The following MX2 variants were observed in gnomAD, a reference collection of about 807,000 sequenced individuals.
MX2 encodes MX dynamin like GTPase 2.
In MX2, 51 loss-of-function variants were observed where a neutral mutation model predicts 74.0. The observed-to-expected ratio is 0.69, with a 90% CI of 0.55 to 0.87. The LOEUF is 0.87. MX2 is among the 40% of genes least tolerant of loss of function. The pLI is 0.00. For missense variants in MX2, 832 were observed against 908.7 expected, an observed-to-expected ratio of 0.92 and a Z score of 1.09; for synonymous variants, 369 against 339.3, an observed-to-expected ratio of 1.09 and a Z score of -0.96.
chr21:41,395,002 G>A (rs547885782), intron 6 of MX2, among the ~76,000 whole-genome samples: 2 of 150,250 alleles, frequency 1.3e-5, no homozygotes, highest in African/African-American at 4.9e-5. Flanking sequence ...AAGGAAGGAA[G>A]GAAAGAAGGA....
At chr21:41,377,180 G>A (rs746570540) in intron 2 of MX2, 25 bp downstream of exon 2, 2 of 1,612,082 alleles carry the variant, frequency 1.2e-6, no homozygotes, top group South Asian at 2.2e-5. Context: ...GGGACGTTCA[G>A]AAAGGGTGCA....
Position 41,399,201 on chromosome 21 carries a change from C to CATATAACATCATATA in MX2, c.1279_1280insTATAACATCATATAA (p.Ile426_Lys427insIleTer), listed in dbSNP as rs2089777534. 6.2e-7 allele frequency: 1 copy of CATATAACATCATATA among 1,613,324 alleles called. No homozygotes were observed. The highest frequency in any genetic ancestry group is 1.7e-5 in the Admixed American group (1 of 59,772). ...TGACTTTATATCATTTTCAGAAAAT[C>CATATAACATCATATA]AAGATGTTTAATCAGGACATCGAAA... On this transcript the variant is annotated stop_gained and inframe_insertion, in exon 10 of 14. Transcript: ENST00000330714. LOFTEE classifies it high-confidence loss of function.
intron 8 of MX2, among the ~76,000 whole-genome samples, chr21:41,398,659 G>A (rs2089767103): frequency 6.6e-6 from 1 of 152,142 alleles, no homozygotes; most frequent in African/African-American, 2.4e-5. Flanking sequence ...GTTTGAAGGA[G>A]CCAGTGGTTC....
Position 41,408,161 on chromosome 21 carries a change from T to C in MX2, c.2076T>C (p.Leu692=). The C allele has an allele frequency of 6.2e-7, 1 of 1,614,174 alleles. No individual in the cohort carries two copies. Among genetic ancestry groups the C allele is most frequent in the South Asian group, 1.1e-5 (1 of 91,078 alleles). Residue 692 remains leucine (L), a synonymous_variant, in exon 14 of 14, where the codon CTT becomes CTC. Coordinates refer to ENST00000330714, the MANE Select transcript of MX2 (RefSeq NM_002463.2). The part of the protein sequence containing the change: ...QSETATKRRI[L]KERIYRLTQA... Reference sequence around the variant, plus strand: ...AGACCGCTACCAAGAGAAGAATCCTTAAGGAGAGAATTTACCGGCTCACTC... The same window carrying C: ...AGACCGCTACCAAGAGAAGAATCCTCAAGGAGAGAATTTACCGGCTCACTC...
chr21:41,390,397 G>A, intron 5 of MX2, 168 bp from the exon 6 acceptor site: 1 of 904,048 alleles, frequency 1.1e-6, no homozygotes. Context: ...GACCAGGGCA[G>A]GGCCGCCGGG....
At chr21:41,395,808 T>C in intron 7 of MX2, 23 bp downstream of exon 7, 1 of 1,612,110 alleles carries the variant, frequency 6.2e-7, no homozygotes, top group African/African-American at 1.3e-5. Flanking sequence ...AGGAAAGCTC[T>C]GGAATTAGAC....
Position 41,402,877 on chromosome 21 carries a change from T to A in MX2, c.1574-390T>A, listed in dbSNP as rs990913491. On this transcript the variant is annotated intron_variant, in intron 11 of 13. Transcript: ENST00000330714. The surrounding 1 kb of genome is among the most constrained non-coding windows in gnomAD (Gnocchi z 4.5). ...GCTCACAACAGGGTTTGTGCTCCTG[T>A]GAGAATCTAGTGCCACCGCAGATCT... 4.7e-5 allele frequency: 10 copies of A among 213,608 alleles called. No homozygotes were observed. The highest frequency in any genetic ancestry group is 2.3e-4 in the African/African-American group (10 of 44,044). 13.2% of individuals were successfully genotyped at this position (213,608 alleles called of 1,614,324 possible).
chr21:41,403,563 A>C (rs2089844368), intron 12 of MX2: 3 of 742,098 alleles, frequency 4.0e-6, no homozygotes, highest in African/African-American at 1.7e-5. Context: ...AGGAGAAATG[A>C]AATGCGGCCC....
chr21:41,362,750 C>CT (rs56903696), intron 1 of MX2, among the ~76,000 whole-genome samples: 8,126 of 82,208 alleles, frequency 0.099, 1,089 homozygotes, highest in African/African-American at 0.15. Flanking sequence ...GTTTTTTTTT[C>CT]TTTTTTTTTT....
At chr21:41,405,434 G>A (rs2089871970) in intron 12 of MX2, among the ~76,000 whole-genome samples, 1 of 152,108 alleles carries the variant, frequency 6.6e-6, no homozygotes, top group Non-Finnish European at 1.5e-5. Flanking sequence ...TCAGGTGGCA[G>A]TGAGGGCTCT....
rs374830650 is a variant in MX2, at chr21:41,390,529, C to T, written c.733-36C>T. On this transcript the variant is annotated intron_variant, in intron 5 of 13. Coordinates refer to ENST00000330714, the MANE Select transcript of MX2 (RefSeq NM_002463.2). ...TGCTGCTGAGTGACCAGAAGTGAGA[C>T]GTGTGCTCTTTCTTTGTGCGATTCT... is the stretch of plus-strand genomic sequence containing the variant. The T allele has an allele frequency of 1.0e-4, 161 of 1,612,988 alleles. No homozygotes were observed. The African/African-American group carries it at 1.6e-3, about 16-fold the overall frequency.
chr21:41,364,205 C>G (rs1038754454), intron 1 of MX2: 1 of 152,460 alleles, frequency 6.6e-6, no homozygotes, highest in Non-Finnish European at 1.5e-5. Context: ...CTTCCTGGGC[C>G]TTCACCCCGC....
chr21:41,370,598 T>G (rs1273071952), intron 1 of MX2: 1 of 152,280 alleles, frequency 6.6e-6, no homozygotes, highest in East Asian at 1.9e-4. Flanking sequence ...TATAACAGTA[T>G]TTCATGAGCG....
chr21:41,364,540 T>A (rs76975514), intron 1 of MX2: 2,272 of 152,756 alleles, frequency 0.015, 53 homozygotes, highest in African/African-American at 0.051. Flanking sequence ...CTGATTTTCT[T>A]GCTGTACTAC....
chr21:41,401,745 A>G, intron 10 of MX2: 1 of 457,932 alleles, frequency 2.2e-6, no homozygotes, highest in East Asian at 3.6e-5. Flanking sequence ...GATGACTTTC[A>G]ATTGAAACAC....
At chr21:41,379,677 G>C (rs1418058083) in intron 3 of MX2, among the ~76,000 whole-genome samples, 1 of 152,212 alleles carries the variant, frequency 6.6e-6, no homozygotes, top group Non-Finnish European at 1.5e-5. Context: ...GCCTGGACAT[G>C]TACCGGAGCC....
chr21:41,408,198 G>T lies in MX2; in HGVS notation c.2113G>T (p.Ala705Ser). 1 of 1,614,168 alleles carries T rather than the reference G, an allele frequency of 6.2e-7. No individual in the cohort carries two copies. The highest frequency in any genetic ancestry group is 8.5e-7 in the Non-Finnish European group (1 of 1,180,022). ...RIYRLTQARH[A>S]LCQFSSKEIH ...TTACCGGCTCACTCAGGCGCGACACGCACTCTGTCAATTCTCCAGCAAAGA... is the reference window on the plus strand; with the variant it reads ...TTACCGGCTCACTCAGGCGCGACACTCACTCTGTCAATTCTCCAGCAAAGA... The change falls in exon 14 of 14, where the codon GCA becomes TCA. Residue 705 changes from alanine to serine, a missense_variant. Coordinates refer to ENST00000330714, the MANE Select transcript of MX2 (RefSeq NM_002463.2).
chr21:41,378,022 C>T (rs374286788), intron 3 of MX2, 41 bp downstream of exon 3: 1 of 1,588,196 alleles, frequency 6.3e-7, no homozygotes, highest in Non-Finnish European at 8.6e-7. Context: ...GCAAGCAGCG[C>T]CACCTGTAAG....
rs1298520274 is a variant in MX2, at chr21:41,390,204, G to A, written c.733-361G>A. The A allele has an allele frequency of 2.1e-5, 5 of 233,158 alleles. No individual in the cohort carries two copies. The East Asian group carries it at 3.5e-4, about 16-fold the overall frequency. The allele number at this position is 233,158 out of a possible 1,614,324, so 14.4% of individuals were successfully genotyped here. On this transcript the variant is annotated intron_variant, in intron 5 of 13. Coordinates refer to ENST00000330714, the MANE Select transcript of MX2 (RefSeq NM_002463.2). ...CACCGCTGGCCGCAAAGGCATCTCT[G>A]GACTTCTGAGTCAGATACAACATAC...
Sources: gnomAD v4.1 joint callset for allele counts (sites outside exome capture counted in the v4.1 genomes callset) on GRCh38, gnomAD v4.1.1 for gene constraint, Gnocchi (gnomAD v3.1) non-coding constraint, MANE v1.5 for transcripts, NCBI Gene and HGNC (gene_info 2026-07-23, HGNC 2026-07-21) for gene names.